Variants in DLG2 observed in about 807,000 individuals in gnomAD.
The protein encoded by DLG2 is disks large homolog 2.
DLG2 carries 45 observed loss-of-function variants against 132.5 expected under a neutral mutation model. That is an observed-to-expected ratio of 0.34 (90% CI 0.27 to 0.44). The LOEUF (loss-of-function observed/expected upper bound fraction) is 0.44, where lower values mean the gene tolerates loss of function less well. Ranked by LOEUF, DLG2 falls within the 20% of genes least tolerant of loss-of-function variation. DLG2 has a pLI of 1.00. For missense variants in DLG2, 1,045 were observed against 1,196.9 expected (o/e 0.87, Z 1.87); for synonymous variants, 424 against 419.6 (o/e 1.01, Z -0.13).
At position 83,457,531 on chromosome 11, in the gene DLG2, G is replaced by A. The variant is rs192044691; in HGVS notation, c.*2287C>T. On this transcript the variant is annotated 3_prime_UTR_variant, in exon 28 of 28. Coordinates refer to ENST00000376104, the MANE Select transcript of DLG2 (RefSeq NM_001142699.3). ...TATTACTACAAAACCAAGGGTTGGTGGTTCAATTTGATTGTACTTAGCCAC... is the reference window on the plus strand; with the variant it reads ...TATTACTACAAAACCAAGGGTTGGTAGTTCAATTTGATTGTACTTAGCCAC... The A allele has an allele frequency of 6.5e-6, 1 of 152,706 alleles. No homozygotes were observed. The allele number at this position is 152,706 out of a possible 1,614,324, so 9.5% of individuals were successfully genotyped here.
chr11:85,583,130 G>GTGTGTA (rs1555190569), intron 3 of DLG2, among the ~76,000 whole-genome samples: 204 of 13,578 alleles, frequency 0.015, 1 homozygote, highest in Middle Eastern at 0.083. Context: ...GTGTGTGTGT[G>GTGTGTA]TATATATATA....
intron 19 of DLG2, among the ~76,000 whole-genome samples, chr11:83,578,894 A>T (rs1593626287): frequency 6.6e-6 from 1 of 152,260 alleles, no homozygotes; most frequent in African/African-American, 2.4e-5. Flanking sequence ...GATTCAAGTC[A>T]TACAAAGAAT....
At chr11:85,017,507 C>T (rs1382982533) in intron 6 of DLG2, among the ~76,000 whole-genome samples, 1 of 152,174 alleles carries the variant, frequency 6.6e-6, no homozygotes, top group African/African-American at 2.4e-5. Flanking sequence ...TCTTTAGGCA[C>T]ACTCCCCTTA....
chr11:84,709,136 A>G (rs2060095694), intron 6 of DLG2, among the ~76,000 whole-genome samples: 1 of 151,976 alleles, frequency 6.6e-6, no homozygotes, highest in Non-Finnish European at 1.5e-5. Context: ...TATGCCAACT[A>G]CTTCAAATAG....
chr11:84,690,215 G>A (rs1378559608), intron 6 of DLG2, among the ~76,000 whole-genome samples: 1 of 151,768 alleles, frequency 6.6e-6, no homozygotes, highest in Admixed American at 6.6e-5. Flanking sequence ...GATATTTATT[G>A]CACTACATGG....
intron 6 of DLG2, among the ~76,000 whole-genome samples, chr11:84,666,711 C>T (rs568724486): frequency 6.6e-6 from 1 of 151,934 alleles, no homozygotes; most frequent in East Asian, 1.9e-4. Context: ...CACATTTTTA[C>T]AAATATATAT....
intron 6 of DLG2, among the ~76,000 whole-genome samples, chr11:84,897,580 C>G (rs2090369551): frequency 6.6e-6 from 1 of 151,770 alleles, no homozygotes. Flanking sequence ...TATCATATAT[C>G]TTTCTAGAGT....
chr11:84,483,735 T>C (rs1004225609), intron 7 of DLG2, among the ~76,000 whole-genome samples: 2 of 152,176 alleles, frequency 1.3e-5, no homozygotes, highest in African/African-American at 4.8e-5. Flanking sequence ...AAAATAATAT[T>C]ACCTTCAGAA....
At chr11:83,980,263 A>G (rs1001075034) in intron 12 of DLG2, among the ~76,000 whole-genome samples, 2 of 152,208 alleles carry the variant, frequency 1.3e-5, no homozygotes, top group Non-Finnish European at 2.9e-5. Context: ...AGGAAAGGCC[A>G]TGTGAGGACA....
chr11:84,739,892 A>C (rs2064363556), intron 6 of DLG2, among the ~76,000 whole-genome samples: 1 of 152,072 alleles, frequency 6.6e-6, no homozygotes, highest in Admixed American at 6.6e-5. Flanking sequence ...AGTTTAATTT[A>C]GTACAGTCTC....
At chr11:84,267,798 C>A (rs1205381709) in intron 7 of DLG2, among the ~76,000 whole-genome samples, 2 of 152,218 alleles carry the variant, frequency 1.3e-5, no homozygotes, top group Non-Finnish European at 2.9e-5. Context: ...ACGTTCTCTG[C>A]TTCTCCATGG....
In DLG2 at chr11:84,934,520, G is replaced by GGTT. The variant is rs2048490137; in HGVS notation, c.357+177140_357+177141insAAC. ...GTCCTGGGTGTTTTTTTTTTGTTTT[G>GGTT]TTTTGTTTTTTTTTTTTTTTTTTTT... On this transcript the variant is annotated intron_variant, in intron 6 of 27. Transcript: ENST00000376104. Among the ~76,000 whole-genome samples, 11 of 39,152 alleles carry GGTT rather than the reference G, an allele frequency of 2.8e-4. 1 individual carries two copies. Among genetic ancestry groups the GGTT allele is most frequent in the African/African-American group, 1.2e-3 (11 of 9,234 alleles). The allele number at this position is 39,152 out of a possible 152,430, so 25.7% of individuals were successfully genotyped here.
intron 8 of DLG2, among the ~76,000 whole-genome samples, chr11:84,186,450 A>T (rs1426654373): frequency 1.3e-5 from 2 of 152,080 alleles, no homozygotes; most frequent in East Asian, 3.9e-4. Flanking sequence ...CTTCCCAAAG[A>T]CAAAGTACAT....
intron 3 of DLG2, among the ~76,000 whole-genome samples, chr11:85,372,279 G>C (rs1213093157): frequency 6.6e-6 from 1 of 152,194 alleles, no homozygotes; most frequent in Non-Finnish European, 1.5e-5. Flanking sequence ...GCTGACCAAG[G>C]CTGGGCACCA....
chr11:83,857,123 A>C (rs1309882252), intron 16 of DLG2, among the ~76,000 whole-genome samples: 1 of 152,124 alleles, frequency 6.6e-6, no homozygotes, highest in African/African-American at 2.4e-5. Flanking sequence ...TGTCAAAATC[A>C]TATAGTTGCA....
chr11:84,827,023 A>G (rs1450358081), intron 6 of DLG2, among the ~76,000 whole-genome samples: 10 of 151,758 alleles, frequency 6.6e-5, no homozygotes, highest in East Asian at 1.9e-4. Context: ...TTTTTTTACT[A>G]TCTTCAATAT....
intron 6 of DLG2, among the ~76,000 whole-genome samples, chr11:84,797,141 C>T (rs534383679): frequency 2.4e-4 from 36 of 152,254 alleles, no homozygotes; most frequent in African/African-American, 8.7e-4. Flanking sequence ...GCCACCATGC[C>T]CGGCCTATGA....
At chr11:84,818,259 T>C (rs1334941350) in intron 6 of DLG2, among the ~76,000 whole-genome samples, 4 of 152,020 alleles carry the variant, frequency 2.6e-5, no homozygotes, top group Non-Finnish European at 4.4e-5. Context: ...TATTCTATTC[T>C]TCCTATGCCT....
At chr11:83,774,320 A>G (rs1027316845) in intron 18 of DLG2, among the ~76,000 whole-genome samples, 5 of 152,164 alleles carry the variant, frequency 3.3e-5, no homozygotes, top group African/African-American at 7.2e-5. Context: ...GTTGTTTCTG[A>G]TAATTATGAT....
Sources: gnomAD v4.1 joint callset for allele counts (sites outside exome capture counted in the v4.1 genomes callset) on GRCh38, gnomAD v4.1.1 for gene constraint, MANE v1.5 for transcripts, NCBI Gene and HGNC (gene_info 2026-07-23, HGNC 2026-07-21) for gene names.